Variants in VOPP1 observed in about 807,000 individuals in gnomAD.
VOPP1 encodes the protein VOPP1 WW domain binding protein.
Under a neutral mutation model 23.5 loss-of-function variants are expected in VOPP1, and 8 were observed. The ratio of observed to expected loss-of-function variants is 0.34; its 90% CI spans 0.20 to 0.61. The LOEUF (loss-of-function observed/expected upper bound fraction) is 0.61. Among genes scored for constraint, VOPP1 ranks in the 20% least tolerant of loss-of-function variants. The pLI, the probability that VOPP1 is intolerant of heterozygous loss-of-function variation, is 0.78. For synonymous variants in VOPP1, 83 were observed against 97.3 expected, an observed-to-expected ratio of 0.85 and a Z score of 0.86; for missense variants, 174 against 238.1, an observed-to-expected ratio of 0.73 and a Z score of 1.77.
chr7:55,440,515 T>A (rs1790937711), intron 4 of VOPP1, among the ~76,000 whole-genome samples: 1 of 152,236 alleles, frequency 6.6e-6, no homozygotes, highest in Admixed American at 6.5e-5. Flanking sequence ...GGGCCACGCT[T>A]CCAGTGACTG....
rs78389577 is a variant in VOPP1 at position 55,566,838 on chromosome 7, C to T, written c.54+5433G>A. The stretch of plus-strand genomic sequence containing the variant: ...TGAGGATGGTGAGATGATTTAAAAC[C>T]ATGTTTTGAAACAACAGAAGGTGAG... On this transcript the variant is annotated intron_variant, in intron 1 of 4. Coordinates refer to ENST00000285279, the MANE Select transcript of VOPP1 (RefSeq NM_030796.5). Among the ~76,000 whole-genome samples, 813 of 152,244 alleles carry T rather than the reference C, an allele frequency of 5.3e-3. 9 individuals carry two copies. Among genetic ancestry groups the T allele is most frequent in the African/African-American group, 0.019 (780 of 41,536 alleles).
chr7:55,552,218 G>A (rs1003928904), intron 1 of VOPP1, among the ~76,000 whole-genome samples: 59 of 152,140 alleles, frequency 3.9e-4, no homozygotes, highest in African/African-American at 1.4e-3. Context: ...TGAGGGACTG[G>A]GTAAGATGGA....
chr7:55,516,989 A>AAGCTGG (rs1795497517), intron 2 of VOPP1, among the ~76,000 whole-genome samples: 1 of 117,102 alleles, frequency 8.5e-6, no homozygotes. Flanking sequence ...TGTGTAGCCC[A>AAGCTGG]AGCTGGAGTA....
chr7:55,546,108 CG>C (rs1797356912), intron 1 of VOPP1, among the ~76,000 whole-genome samples: 1 of 152,056 alleles, frequency 6.6e-6, no homozygotes, highest in Non-Finnish European at 1.5e-5. Flanking sequence ...AGTGAAAAAA[CG>C]GAAGGATTTA....
exon 5 of VOPP1, chr7:55,436,164 G>C (rs1039480893): frequency 1.3e-5 from 2 of 152,264 alleles, no homozygotes; most frequent in East Asian, 3.8e-4. Flanking sequence ...TGTCGTCAAG[G>C]AGTATATGGT....
intron 4 of VOPP1, among the ~76,000 whole-genome samples, chr7:55,437,264 G>A (rs747404796): frequency 7.2e-5 from 11 of 152,184 alleles, no homozygotes; most frequent in South Asian, 6.2e-4. Context: ...AGGCCGCCTC[G>A]TAGCTGTAAG....
chr7:55,563,574 G>A (rs1798057056), intron 1 of VOPP1, among the ~76,000 whole-genome samples: 1 of 152,192 alleles, frequency 6.6e-6, no homozygotes, highest in South Asian at 2.1e-4. Context: ...CATATACACA[G>A]TGAAGTATCT....
intron 4 of VOPP1, among the ~76,000 whole-genome samples, chr7:55,450,711 C>T (rs761987052): frequency 2.0e-5 from 3 of 152,208 alleles, no homozygotes; most frequent in Non-Finnish European, 4.4e-5. Context: ...CTTTTCCCCA[C>T]GTAAGCTTTA....
At chr7:55,487,967 C>A (rs1233917322) in intron 4 of VOPP1, among the ~76,000 whole-genome samples, 2 of 152,188 alleles carry the variant, frequency 1.3e-5, no homozygotes, top group African/African-American at 4.8e-5. Flanking sequence ...AGGGAGGATT[C>A]TCACCCACAC....
chr7:55,518,028 C>A (rs1795582624), intron 2 of VOPP1, among the ~76,000 whole-genome samples: 1 of 152,202 alleles, frequency 6.6e-6, no homozygotes, highest in South Asian at 2.1e-4. Flanking sequence ...AGGGAAGTGG[C>A]ACACTGAGTC....
At chr7:55,469,804 C>T (rs940633), downstream of VOPP1, among the ~76,000 whole-genome samples, 1 of 152,060 alleles carries the variant, frequency 6.6e-6, no homozygotes, top group Non-Finnish European at 1.5e-5. Context: ...GTGCACTGCC[C>T]GTCTCCCAGG....
intron 2 of VOPP1, among the ~76,000 whole-genome samples, chr7:55,515,238 A>G (rs981177054): frequency 6.6e-6 from 1 of 152,206 alleles, no homozygotes; most frequent in Non-Finnish European, 1.5e-5. Context: ...TCCTGACCCA[A>G]GAGGCCTCCC....
At chr7:55,560,102 A>C (rs540597020) in intron 1 of VOPP1, among the ~76,000 whole-genome samples, 1 of 152,338 alleles carries the variant, frequency 6.6e-6, no homozygotes, top group Non-Finnish European at 1.5e-5. Flanking sequence ...GTAGTGAGCC[A>C]AGATCATGCC....
chr7:55,459,311 C>G (rs1791442727), intron 4 of VOPP1, among the ~76,000 whole-genome samples: 1 of 152,112 alleles, frequency 6.6e-6, no homozygotes, highest in African/African-American at 2.4e-5. Context: ...CTGTGTTCAT[C>G]AGGGATATTG....
At chr7:55,444,727 T>TA (rs1791053697) in intron 4 of VOPP1, among the ~76,000 whole-genome samples, 1 of 151,878 alleles carries the variant, frequency 6.6e-6, no homozygotes, top group African/African-American at 2.4e-5. Context: ...TTTTTTTTTT[T>TA]TAAATCTAAA....
chr7:55,539,854 T>C (rs754744940), intron 1 of VOPP1, among the ~76,000 whole-genome samples: 2 of 149,510 alleles, frequency 1.3e-5, no homozygotes, highest in Non-Finnish European at 3.0e-5. Flanking sequence ...ACACGCATAT[T>C]TGTCATACAC....
At chr7:55,568,417 T>C (rs1489846013) in intron 1 of VOPP1, among the ~76,000 whole-genome samples, 6 of 152,226 alleles carry the variant, frequency 3.9e-5, no homozygotes, top group Admixed American at 1.3e-4. Context: ...TCTGTTCTTT[T>C]GCCCAACAGC....
At chr7:55,458,865 T>A (rs111640161) in intron 4 of VOPP1, among the ~76,000 whole-genome samples, 1,826 of 152,292 alleles carry the variant, frequency 0.012, 13 homozygotes, top group Admixed American at 0.021. Context: ...AGATGCTTTT[T>A]ATTTATTTCT....
At chr7:55,531,296 A>C (rs1461798743) in intron 1 of VOPP1, among the ~76,000 whole-genome samples, 1 of 152,178 alleles carries the variant, frequency 6.6e-6, no homozygotes, top group Non-Finnish European at 1.5e-5. Flanking sequence ...GTTCCAACAA[A>C]AGCAATGAAC....
Sources: allele counts gnomAD v4.1 joint callset (sites outside exome capture counted in the v4.1 genomes callset), GRCh38; gene constraint gnomAD v4.1.1; transcripts MANE v1.5; gene names NCBI Gene and HGNC (gene_info 2026-07-23, HGNC 2026-07-21).